UNC13C: variants seen among roughly 807,000 people sequenced by gnomAD.
The protein encoded by UNC13C is unc-13 homolog C, also known as protein unc-13 homolog C.
UNC13C carries 174 observed loss-of-function variants against 245.4 expected under a neutral mutation model. The ratio of observed to expected loss-of-function variants is 0.71; its 90% CI spans 0.63 to 0.80. UNC13C has a LOEUF of 0.80. Ranked by LOEUF, UNC13C falls within the 30% of genes least tolerant of loss-of-function variation. The pLI, the probability that UNC13C is intolerant of heterozygous loss-of-function variation, is 0.00. For synonymous variants in UNC13C, 992 were observed against 895.1 expected (o/e 1.11, Z -1.93); for missense variants, 2,829 against 2,602.9 (o/e 1.09, Z -1.89).
At chr15:53,982,281 T>C (rs1893957662) in intron 1 of UNC13C, among the ~76,000 whole-genome samples, 2 of 152,300 alleles carry the variant, frequency 1.3e-5, no homozygotes, top group East Asian at 1.9e-4. Flanking sequence ...GTGCAATATG[T>C]CTTTTTGATG....
chr15:54,467,941 T>G (rs927372912), intron 19 of UNC13C, among the ~76,000 whole-genome samples: 2 of 147,696 alleles, frequency 1.4e-5, no homozygotes, highest in African/African-American at 5.3e-5. Context: ...TATCTATCTC[T>G]TCAACATACT....
At chr15:54,242,439 AT>A (rs2035878676) in intron 7 of UNC13C, among the ~76,000 whole-genome samples, 1 of 152,136 alleles carries the variant, frequency 6.6e-6, no homozygotes, top group Middle Eastern at 3.2e-3. Context: ...CAAATTGTTT[AT>A]ATAATTATAT....
chr15:53,990,663 A>G (rs867800245), intron 1 of UNC13C, among the ~76,000 whole-genome samples: 28 of 152,056 alleles, frequency 1.8e-4, no homozygotes, highest in African/African-American at 5.8e-4. Flanking sequence ...CCCTGCTAGT[A>G]AAGCTTGAAC....
intron 10 of UNC13C, among the ~76,000 whole-genome samples, chr15:54,282,361 A>G (rs1277605474): frequency 6.6e-6 from 1 of 152,162 alleles, no homozygotes; most frequent in Non-Finnish European, 1.5e-5. Context: ...GACTTGTAGA[A>G]GGGGCGCCCT....
At position 54,012,946 on chromosome 15, in the gene UNC13C, C is replaced by G. The variant is rs1461141833; in HGVS notation, c.43C>G (p.His15Asp). Residue 15 changes from histidine to aspartate, a missense_variant, in exon 2 of 33, where the codon CAT (histidine) becomes GAT (aspartate). Coordinates refer to ENST00000260323, the MANE Select transcript of UNC13C (RefSeq NM_001080534.3). ...FFKSLILPYI[H>D]KLCKGMFTKK... ...CAAGAGCTTGATTTTACCTTACATT[C>G]ATAAGCTTTGCAAAGGAATGTTTAC... is the stretch of plus-strand genomic sequence containing the variant. The G allele has an allele frequency of 6.2e-7, 1 of 1,612,642 alleles. No individual in the cohort carries two copies. The highest frequency in any genetic ancestry group is 1.1e-5 in the South Asian group (1 of 90,908).
At chr15:53,916,766 C>G in the UNC13C span, among the ~76,000 whole-genome samples, 1 of 152,150 alleles carries the variant, frequency 6.6e-6, no homozygotes, top group Non-Finnish European at 1.5e-5. Context: ...GGTTTGAGAA[C>G]AATCACACAT....
intron 4 of UNC13C, among the ~76,000 whole-genome samples, chr15:54,217,107 G>A (rs540010006): frequency 6.6e-6 from 1 of 152,008 alleles, no homozygotes; most frequent in Non-Finnish European, 1.5e-5. Context: ...CTGAGGAGGA[G>A]CTTTATTCTT....
At chr15:54,506,157 ACTTTAC>A (rs1894463901) in intron 22 of UNC13C, among the ~76,000 whole-genome samples, 3 of 152,128 alleles carry the variant, frequency 2.0e-5, no homozygotes, top group Non-Finnish European at 4.4e-5. Context: ...CACAGCCCAA[ACTTTAC>A]CTTAAGCAAG....
intron 4 of UNC13C, among the ~76,000 whole-genome samples, chr15:54,147,305 T>C (rs2032305325): frequency 6.6e-6 from 1 of 151,702 alleles, no homozygotes; most frequent in East Asian, 1.9e-4. Context: ...CTGCAAGCTC[T>C]GCCTCCCGGG....
intron 11 of UNC13C, among the ~76,000 whole-genome samples, chr15:54,297,258 G>GT (rs1394764996): frequency 6.6e-6 from 1 of 152,104 alleles, no homozygotes; most frequent in Non-Finnish European, 1.5e-5. Context: ...CTTCTGATTA[G>GT]TTTTTTTATT....
intron 13 of UNC13C, among the ~76,000 whole-genome samples, chr15:54,317,294 A>ATATAACT (rs1219814554): frequency 6.6e-6 from 1 of 151,956 alleles, no homozygotes; most frequent in African/African-American, 2.4e-5. Context: ...GTATTAAACT[A>ATATAACT]TATAACTCAA....
intron 26 of UNC13C, among the ~76,000 whole-genome samples, chr15:54,535,377 G>C (rs1439096109): frequency 6.6e-6 from 1 of 151,982 alleles, no homozygotes; most frequent in Non-Finnish European, 1.5e-5. Context: ...CAATTTCTTA[G>C]AGACCTATGA....
At chr15:54,237,194 T>C (rs2035724233) in intron 6 of UNC13C, among the ~76,000 whole-genome samples, 1 of 152,188 alleles carries the variant, frequency 6.6e-6, no homozygotes, top group Non-Finnish European at 1.5e-5. Flanking sequence ...TCAGGAACCA[T>C]CTAATACTAA....
chr15:54,002,283 C>A (rs1409398898), intron 1 of UNC13C, among the ~76,000 whole-genome samples: 1 of 151,290 alleles, frequency 6.6e-6, no homozygotes. Flanking sequence ...GAGAATCCAT[C>A]TCAAAAAAAA....
At chr15:54,102,701 A>G (rs1359165932) in intron 2 of UNC13C, among the ~76,000 whole-genome samples, 2 of 152,232 alleles carry the variant, frequency 1.3e-5, no homozygotes, top group Non-Finnish European at 2.9e-5. Flanking sequence ...CTGAGTGTTC[A>G]TTCTAGTGTT....
the UNC13C span, among the ~76,000 whole-genome samples, chr15:53,909,843 A>C: frequency 0.017 from 2,485 of 146,658 alleles, 365 homozygotes; most frequent in South Asian, 0.13. Flanking sequence ...AGTCAAGTGG[A>C]CATATTTTTT....
At chr15:54,157,683 TA>T (rs2032808833) in intron 4 of UNC13C, among the ~76,000 whole-genome samples, 1 of 152,142 alleles carries the variant, frequency 6.6e-6, no homozygotes, top group Admixed American at 6.5e-5. Flanking sequence ...AAAACATGTA[TA>T]GTTCACTAGA....
intron 4 of UNC13C, among the ~76,000 whole-genome samples, chr15:54,183,863 T>C (rs1595964399): frequency 6.6e-6 from 1 of 152,052 alleles, no homozygotes; most frequent in Non-Finnish European, 1.5e-5. Context: ...GAACAATTTG[T>C]TTTACTAGTG....
Position 54,549,735 on chromosome 15 carries a change from T to G in UNC13C, c.5877+44T>G, listed in dbSNP as rs759960387. ...TTACTTATTCATGGAAAGTAGTGAG[T>G]TAACTACAGTTCTGCAAGCATCCTC... is the stretch of plus-strand genomic sequence containing the variant. On this transcript the variant is annotated intron_variant, in intron 28 of 32. Coordinates refer to ENST00000260323, the MANE Select transcript of UNC13C (RefSeq NM_001080534.3). 1.4e-5 allele frequency: 18 copies of G among 1,289,846 alleles called. No homozygotes were observed. The East Asian group carries it at 4.0e-4, about 29-fold the overall frequency. The allele number at this position is 1,289,846 out of a possible 1,614,324, so 79.9% of individuals were successfully genotyped here.
Sources: allele counts gnomAD v4.1 joint callset (sites outside exome capture counted in the v4.1 genomes callset), GRCh38; gene constraint gnomAD v4.1.1; transcripts MANE v1.5; gene names NCBI Gene and HGNC (gene_info 2026-07-23, HGNC 2026-07-21).